Variants in CNTN5 observed in about 807,000 individuals in gnomAD.
CNTN5 encodes contactin-5.
Under a neutral mutation model 129.1 loss-of-function variants are expected in CNTN5, and 77 were observed. The ratio of observed to expected loss-of-function variants is 0.60; its 90% confidence interval spans 0.50 to 0.72. The LOEUF (loss-of-function observed/expected upper bound fraction) is 0.72, where lower values mean the gene tolerates loss of function less well. Ranked by LOEUF, CNTN5 falls within the 30% of genes least tolerant of loss-of-function variation. The probability of loss-of-function intolerance (pLI) is 0.00; values close to 1 mark genes in which losing one functional copy is unlikely to be tolerated. For missense variants in CNTN5, 1,478 were observed against 1,328.8 expected (o/e 1.11, Z -1.75); for synonymous variants, 509 against 465.6 (o/e 1.09, Z -1.20).
intron 15 of CNTN5, among the ~76,000 whole-genome samples, chr11:100,217,808 C>T (rs1027650919): frequency 6.6e-6 from 1 of 152,138 alleles, no homozygotes. Context: ...GAGGAGATTT[C>T]AAGAGAAAGT....
chr11:99,063,688 A>G (rs1481983657), intron 1 of CNTN5, among the ~76,000 whole-genome samples: 2 of 152,138 alleles, frequency 1.3e-5, no homozygotes, highest in African/African-American at 4.8e-5. Context: ...AGCCTCTTTG[A>G]GAAAATACTC....
At chr11:99,239,038 T>C (rs1475377905) in intron 1 of CNTN5, among the ~76,000 whole-genome samples, 1 of 152,152 alleles carries the variant, frequency 6.6e-6, no homozygotes, top group Non-Finnish European at 1.5e-5. Flanking sequence ...ATTTCTCTGT[T>C]TTCCTCCTCA....
intron 13 of CNTN5, among the ~76,000 whole-genome samples, chr11:100,164,298 T>C (rs546993641): frequency 1.3e-5 from 2 of 151,884 alleles, no homozygotes; most frequent in Non-Finnish European, 1.5e-5. Flanking sequence ...ACTTTTAATG[T>C]GGTTCTGTAT....
intron 2 of CNTN5, among the ~76,000 whole-genome samples, chr11:99,328,091 T>C (rs1468067280): frequency 6.6e-6 from 1 of 152,174 alleles, no homozygotes; most frequent in East Asian, 1.9e-4. Context: ...ATTTCAAAAA[T>C]AGGAAATCTA....
At chr11:99,544,926 C>G (rs1948242238) in intron 2 of CNTN5, among the ~76,000 whole-genome samples, 1 of 152,212 alleles carries the variant, frequency 6.6e-6, no homozygotes, top group African/African-American at 2.4e-5. Context: ...CTGCATATCC[C>G]TGTAGTATCT....
chr11:99,841,654 G>A (rs1947496979), intron 4 of CNTN5, among the ~76,000 whole-genome samples: 1 of 151,364 alleles, frequency 6.6e-6, no homozygotes. Flanking sequence ...GGAGAATGAA[G>A]GAGAAGGAGA....
At chr11:99,776,196 A>C (rs958116523) in intron 3 of CNTN5, among the ~76,000 whole-genome samples, 3 of 151,980 alleles carry the variant, frequency 2.0e-5, no homozygotes, top group Non-Finnish European at 2.9e-5. Flanking sequence ...AATTCAGTAG[A>C]GCCCTAGAGC....
chr11:99,459,487 A>G (rs745520628), intron 2 of CNTN5, among the ~76,000 whole-genome samples: 1 of 152,034 alleles, frequency 6.6e-6, no homozygotes, highest in Non-Finnish European at 1.5e-5. Context: ...TGCCATTACA[A>G]TGGAAGAGTC....
At chr11:99,812,574 G>A (rs1270453236) in intron 3 of CNTN5, among the ~76,000 whole-genome samples, 1 of 152,088 alleles carries the variant, frequency 6.6e-6, no homozygotes, top group African/African-American at 2.4e-5. Flanking sequence ...AATTCCTGTT[G>A]TTATCCTCAA....
chr11:99,210,426 C>T (rs2135666610), intron 1 of CNTN5, among the ~76,000 whole-genome samples: 1 of 152,138 alleles, frequency 6.6e-6, no homozygotes, highest in East Asian at 1.9e-4. Flanking sequence ...GTTCCAGTAG[C>T]AGCTGCCTCT....
intron 16 of CNTN5, chr11:100,225,565 C>A (rs1330554688): frequency 6.6e-6 from 1 of 151,838 alleles, no homozygotes. Flanking sequence ...TACAATATTT[C>A]TACATTTTCA....
rs1555113493 is a variant in CNTN5, at chr11:99,792,573, G to GTGCGTC, written c.56-26969_56-26968insCGTCTG. Among the ~76,000 whole-genome samples the GTGCGTC allele has an allele frequency of 1.3e-3, 148 of 116,686 alleles. 1 individual carries two copies. Among genetic ancestry groups the GTGCGTC allele is most frequent in the African/African-American group, 5.0e-3 (137 of 27,270 alleles). The allele number at this position is 116,686 out of a possible 152,430, so 76.6% of individuals were successfully genotyped here. On this transcript the variant is annotated intron_variant, in intron 3 of 24. Transcript: ENST00000524871. Reference sequence around the variant, plus strand: ...TGTGTGTGTGTGTGTGTGTGTGTGTGTGTCTGTCTGTCTGTCTGTCTGTCT... The same window carrying GTGCGTC: ...TGTGTGTGTGTGTGTGTGTGTGTGTGTGCGTCTGTCTGTCTGTCTGTCTGTCTGTCT...
At chr11:99,607,374 A>C (rs1271463464) in intron 3 of CNTN5, among the ~76,000 whole-genome samples, 1 of 148,504 alleles carries the variant, frequency 6.7e-6, no homozygotes, top group African/African-American at 2.5e-5. Context: ...GCCATCAGAG[A>C]AATGCAAATC....
chr11:99,804,937 T>A (rs1180876547), intron 3 of CNTN5, among the ~76,000 whole-genome samples: 1 of 151,700 alleles, frequency 6.6e-6, no homozygotes, highest in African/African-American at 2.4e-5. Context: ...ATGGAACATA[T>A]AACAGGATTA....
chr11:100,227,125 T>G (rs919523032), intron 16 of CNTN5, among the ~76,000 whole-genome samples: 1 of 152,148 alleles, frequency 6.6e-6, no homozygotes, highest in African/African-American at 2.4e-5. Context: ...TTCACTTTGC[T>G]CAATGTCTTC....
intron 3 of CNTN5, among the ~76,000 whole-genome samples, chr11:99,628,224 A>G (rs1248526810): frequency 1.4e-5 from 2 of 147,742 alleles, no homozygotes; most frequent in South Asian, 2.2e-4. Context: ...GAAACTTAGT[A>G]GTAGTATTTT....
rs148089568 is a variant in CNTN5 at position 99,158,721 on chromosome 11, T to C, written c.-210+137451T>C. On this transcript the variant is annotated intron_variant, in intron 1 of 24. Coordinates refer to ENST00000524871, the MANE Select transcript of CNTN5 (RefSeq NM_014361.4). Reference sequence around the variant, plus strand: ...AAATAAAGTTTACAGACAACGTAATTCTCTTTAGAACTATTAGAAGTGTTA... The same window carrying C: ...AAATAAAGTTTACAGACAACGTAATCCTCTTTAGAACTATTAGAAGTGTTA... Among the ~76,000 whole-genome samples the C allele has an allele frequency of 4.6e-4, 70 of 152,246 alleles. No individual in the cohort carries two copies. The East Asian group carries it at 0.012, about 26-fold the overall frequency.
intron 17 of CNTN5, among the ~76,000 whole-genome samples, chr11:100,265,018 C>T (rs556831768): frequency 9.9e-5 from 15 of 152,032 alleles, no homozygotes; most frequent in African/African-American, 3.6e-4. Flanking sequence ...GTTTGTTGGC[C>T]ACATAAATGT....
chr11:99,520,934 A>G (rs896254862), intron 2 of CNTN5, among the ~76,000 whole-genome samples: 1 of 152,180 alleles, frequency 6.6e-6, no homozygotes, highest in African/African-American at 2.4e-5. Flanking sequence ...TAAATGGCTT[A>G]TGATATGATC....
Sources: allele counts gnomAD v4.1 joint callset (sites outside exome capture counted in the v4.1 genomes callset), GRCh38; gene constraint gnomAD v4.1.1; transcripts MANE v1.5; gene names NCBI Gene and HGNC (gene_info 2026-07-23, HGNC 2026-07-21).